The following TFEC variants were observed in gnomAD, a reference collection of about 807,000 sequenced individuals.
TFEC encodes class E basic helix-loop-helix protein 34.
TFEC carries 31 observed loss-of-function variants against 41.6 expected under a neutral mutation model. That is an observed-to-expected ratio of 0.74 (90% confidence interval 0.56 to 1.01). TFEC has a LOEUF of 1.01. Ranked by LOEUF, TFEC falls within the 50% of genes least tolerant of loss-of-function variation. TFEC has a pLI of 0.00. For synonymous variants in TFEC, 143 were observed against 140.6 expected (o/e 1.02, Z -0.12); for missense variants, 402 against 404.1 (o/e 0.99, Z 0.04).
chr7:116,053,231 T>C (rs982614208), intron 3 of TFEC, among the ~76,000 whole-genome samples: 20 of 152,156 alleles, frequency 1.3e-4, no homozygotes, highest in African/African-American at 4.6e-4. Context: ...ATCTTGGACA[T>C]GCAATTGAAT....
intron 1 of TFEC, among the ~76,000 whole-genome samples, chr7:116,118,133 T>C (rs1057434188): frequency 1.3e-5 from 2 of 151,854 alleles, no homozygotes; most frequent in African/African-American, 4.8e-5. Context: ...GCCAAAGTTA[T>C]GGCCTGAAGC....
chr7:116,155,569 G>GA (rs1253748012), intron 1 of TFEC, among the ~76,000 whole-genome samples: 208 of 149,634 alleles, frequency 1.4e-3, no homozygotes, highest in African/African-American at 4.8e-3. Context: ...TGCAGTGCCA[G>GA]GAAAAAAAAA....
intron 3 of TFEC, among the ~76,000 whole-genome samples, chr7:116,110,328 T>C (rs990613586): frequency 7.2e-5 from 11 of 152,176 alleles, no homozygotes; most frequent in African/African-American, 1.4e-4. Flanking sequence ...ATCTTCATTA[T>C]GGCATACTAC....
intron 5 of TFEC, among the ~76,000 whole-genome samples, chr7:115,951,395 C>A (rs1791935736): frequency 6.6e-6 from 1 of 152,052 alleles, no homozygotes; most frequent in African/African-American, 2.4e-5. Context: ...GTCTGTGTAT[C>A]CAATTAGACT....
chr7:116,151,655 AT>A lies in TFEC; in HGVS notation c.-69+8134del, dbSNP rs200704796. ...CAAAATGAGAACTTGTTACAATGGA[AT>A]TTTTTTTTTCATTCAACAGGACAAA... On this transcript the variant is annotated intron_variant, in intron 1 of 8. Transcript: ENST00000484212. 1.4e-3 allele frequency among the ~76,000 whole-genome samples: 211 copies of A among 150,150 alleles called. 1 individual carries two copies. The highest frequency in any genetic ancestry group is 4.8e-3 in the African/African-American group (198 of 41,040).
rs188452622 is a variant in TFEC, at chr7:116,153,989, T to C, written c.-69+5801A>G. On this transcript the variant is annotated intron_variant, in intron 1 of 8. Coordinates refer to the TFEC transcript ENST00000484212. ...AATCTCATGTCTGTGACCCATCTCT[T>C]AAAGCAGGGGATTAGATGAAATTGT... is the stretch of plus-strand genomic sequence containing the variant. Among the ~76,000 whole-genome samples, 22 of 152,310 alleles carry C rather than the reference T, an allele frequency of 1.4e-4. 1 individual carries two copies. In the East Asian group the frequency reaches 3.5e-3, roughly 24 times the overall value.
At chr7:116,090,944 C>T (rs955873716) in intron 3 of TFEC, among the ~76,000 whole-genome samples, 1 of 150,048 alleles carries the variant, frequency 6.7e-6, no homozygotes, top group Non-Finnish European at 1.5e-5. Context: ...GGGAGGGGAA[C>T]ATCACACACC....
intron 3 of TFEC, among the ~76,000 whole-genome samples, chr7:116,097,082 C>G (rs566156118): frequency 1.2e-4 from 17 of 147,282 alleles, no homozygotes; most frequent in Non-Finnish European, 2.4e-4. Context: ...GAGCGACACT[C>G]TGTTTCAAAA....
chr7:116,018,884 G>A (rs546466673), intron 1 of TFEC, among the ~76,000 whole-genome samples: 1 of 152,282 alleles, frequency 6.6e-6, no homozygotes, highest in South Asian at 2.1e-4. Context: ...GTTGTTGTGG[G>A]ACTATCTTCC....
chr7:116,030,319 A>C (rs143637117), intron 1 of TFEC, among the ~76,000 whole-genome samples: 4,660 of 152,308 alleles, frequency 0.031, 87 homozygotes, highest in Non-Finnish European at 0.038. Flanking sequence ...ACAAAATGTT[A>C]AATCATGTTC....
chr7:115,964,103 T>C (rs1290475783), intron 3 of TFEC, among the ~76,000 whole-genome samples: 1 of 151,534 alleles, frequency 6.6e-6, no homozygotes, highest in Non-Finnish European at 1.5e-5. Context: ...TGATCTATGC[T>C]CACGGTTGAC....
intron 1 of TFEC, among the ~76,000 whole-genome samples, chr7:116,153,552 G>C (rs116091610): frequency 0.028 from 4,290 of 152,058 alleles, 199 homozygotes; most frequent in African/African-American, 0.097. Context: ...GTGCCCAGCT[G>C]GCTATTTTTA....
At chr7:116,017,621 C>G (rs1795243522) in intron 1 of TFEC, among the ~76,000 whole-genome samples, 1 of 152,128 alleles carries the variant, frequency 6.6e-6, no homozygotes, top group Admixed American at 6.6e-5. Flanking sequence ...CCATACCACT[C>G]TCTCTCTCCT....
intron 1 of TFEC, among the ~76,000 whole-genome samples, chr7:116,120,860 G>C (rs1008030939): frequency 2.0e-5 from 3 of 151,878 alleles, no homozygotes; most frequent in African/African-American, 4.8e-5. Flanking sequence ...ATTGATTAAA[G>C]CTATAAGAGC....
intron 2 of TFEC, among the ~76,000 whole-genome samples, chr7:115,975,084 T>C (rs1436898510): frequency 6.6e-6 from 1 of 152,088 alleles, no homozygotes; most frequent in Non-Finnish European, 1.5e-5. Context: ...TCCTAGAAAT[T>C]TGGCTCTATA....
intron 6 of TFEC, among the ~76,000 whole-genome samples, chr7:115,943,572 C>A (rs920710144): frequency 6.7e-6 from 1 of 149,658 alleles, no homozygotes. Context: ...TTAAGTTCCT[C>A]TATTTTAAAG....
chr7:116,097,370 T>C (rs1162367347), intron 3 of TFEC, among the ~76,000 whole-genome samples: 1 of 152,154 alleles, frequency 6.6e-6, no homozygotes, highest in Non-Finnish European at 1.5e-5. Flanking sequence ...TAAATTTTAA[T>C]TTACAAATTA....
intron 3 of TFEC, among the ~76,000 whole-genome samples, chr7:116,054,909 G>T (rs1448410938): frequency 4.6e-5 from 7 of 152,100 alleles, no homozygotes; most frequent in South Asian, 2.1e-4. Flanking sequence ...TACCAAGTCA[G>T]AATTTTATTC....
At chr7:116,105,346 C>T (rs532692630) in intron 3 of TFEC, among the ~76,000 whole-genome samples, 1 of 152,288 alleles carries the variant, frequency 6.6e-6, no homozygotes, top group Middle Eastern at 3.4e-3. Context: ...ATGTTAATAA[C>T]CTACAAATAT....
Sources: gnomAD v4.1 joint callset for allele counts (sites outside exome capture counted in the v4.1 genomes callset) on GRCh38, gnomAD v4.1.1 for gene constraint, MANE v1.5 for transcripts, NCBI Gene and HGNC (gene_info 2026-07-23, HGNC 2026-07-21) for gene names.